Variants in MYT1L observed in about 807,000 individuals in gnomAD.
MYT1L encodes the protein myelin transcription factor 1 like.
Under a neutral mutation model 126.7 loss-of-function variants are expected in MYT1L, and 12 were observed. The ratio of observed to expected loss-of-function variants is 0.09; its 90% CI spans 0.06 to 0.15. The LOEUF (loss-of-function observed/expected upper bound fraction) is 0.15. Ranked by LOEUF, MYT1L falls within the 10% of genes least tolerant of loss-of-function variation. The probability of loss-of-function intolerance (pLI) is 1.00; values close to 1 mark genes in which losing one functional copy is unlikely to be tolerated. For synonymous variants in MYT1L, 541 were observed against 604.2 expected (o/e 0.90, Z 1.53); for missense variants, 979 against 1,585.2 (o/e 0.62, Z 6.49).
chr2:1,883,696 G>C (rs1261827398), intron 18 of MYT1L, among the ~76,000 whole-genome samples: 1 of 152,108 alleles, frequency 6.6e-6, no homozygotes, highest in East Asian at 1.9e-4. Flanking sequence ...TCAAAGCATC[G>C]ACGCGCAAAA....
intron 18 of MYT1L, among the ~76,000 whole-genome samples, chr2:1,855,765 C>T (rs925788408): frequency 2.0e-5 from 3 of 151,998 alleles, no homozygotes; most frequent in Non-Finnish European, 4.4e-5. Flanking sequence ...GAAACCCACA[C>T]GAGCTGCCCC....
chr2:1,887,470 A>G lies in MYT1L; in HGVS notation c.2642+18T>C, dbSNP rs773777711. ...GAAGATTAAGAAGATTCATAATTTCACCTCACAGCATGCTTACGTTATTAA... is the reference window on the plus strand; with the variant it reads ...GAAGATTAAGAAGATTCATAATTTCGCCTCACAGCATGCTTACGTTATTAA... On this transcript the variant is annotated intron_variant, in intron 17 of 24. Transcript: ENST00000647738. The surrounding 1 kb of genome is among the most constrained non-coding windows in gnomAD (Gnocchi z 4.8). 10 of 1,613,726 alleles carry G rather than the reference A, an allele frequency of 6.2e-6. No homozygotes were observed. In the Admixed American group the frequency reaches 1.5e-4, roughly 24 times the overall value.
intron 2 of MYT1L, among the ~76,000 whole-genome samples, chr2:2,243,109 AG>A (rs1189616929): frequency 6.6e-6 from 1 of 152,222 alleles, no homozygotes; most frequent in Non-Finnish European, 1.5e-5. Flanking sequence ...GGTGGAGAGA[AG>A]TACCAAGGGA....
intron 3 of MYT1L, among the ~76,000 whole-genome samples, chr2:2,168,662 G>C (rs2148505315): frequency 6.6e-6 from 1 of 152,272 alleles, no homozygotes; most frequent in Non-Finnish European, 1.5e-5. Flanking sequence ...AAATGCTTCA[G>C]ATGACCCTGA....
At chr2:2,068,894 T>C (rs2150213475) in intron 3 of MYT1L, among the ~76,000 whole-genome samples, 1 of 147,292 alleles carries the variant, frequency 6.8e-6, no homozygotes, top group East Asian at 2.1e-4. Context: ...GTAAGTAGGA[T>C]AAGAACATTT....
intron 8 of MYT1L, among the ~76,000 whole-genome samples, chr2:1,945,358 T>A (rs1573844786): frequency 6.6e-6 from 1 of 151,966 alleles, no homozygotes; most frequent in Non-Finnish European, 1.5e-5. Context: ...CATGTTCAGG[T>A]GGGGACTGGG....
intron 8 of MYT1L, among the ~76,000 whole-genome samples, chr2:1,967,210 G>T (rs1446083629): frequency 6.6e-6 from 1 of 152,210 alleles, no homozygotes; most frequent in Non-Finnish European, 1.5e-5. Context: ...TCCTCTGGGA[G>T]AATCAGTGAA....
intron 1 of MYT1L, among the ~76,000 whole-genome samples, chr2:2,297,171 C>G (rs1024727854): frequency 2.0e-5 from 3 of 152,244 alleles, no homozygotes; most frequent in Non-Finnish European, 4.4e-5. Context: ...AGAATGCACA[C>G]AACCCTCACC....
chr2:1,897,365 C>G (rs1230302271), intron 14 of MYT1L, among the ~76,000 whole-genome samples: 1 of 152,210 alleles, frequency 6.6e-6, no homozygotes, highest in Middle Eastern at 3.2e-3. Flanking sequence ...TCTGTTCCCC[C>G]TCTTCCAGCA....
intron 23 of MYT1L, 133 bp from the exon 24 acceptor site, chr2:1,792,597 C>A (rs898872862): frequency 2.2e-5 from 21 of 970,460 alleles, no homozygotes; most frequent in Non-Finnish European, 2.9e-5. Flanking sequence ...GGGCCGGGCG[C>A]CGTGGCTCAC....
rs561866315 is a variant in MYT1L at position 1,888,714 on chromosome 2, G to A, written c.2520+527C>T. On this transcript the variant is annotated intron_variant, in intron 16 of 24. Coordinates refer to ENST00000647738, the MANE Select transcript of MYT1L (RefSeq NM_001303052.2). ...TCAAAAGTATGTTCTTGACATAGAT[G>A]TTTTAGTAATACTGTCATAAACAAA... Among the ~76,000 whole-genome samples the A allele has an allele frequency of 2.2e-3, 329 of 152,312 alleles. 1 individual carries two copies. Among genetic ancestry groups the A allele is most frequent in the South Asian group, 3.1e-3 (15 of 4,822 alleles).
At chr2:2,308,681 C>T (rs2095899672) in intron 1 of MYT1L, among the ~76,000 whole-genome samples, 1 of 151,828 alleles carries the variant, frequency 6.6e-6, no homozygotes, top group South Asian at 2.1e-4. Flanking sequence ...TATATCTTAC[C>T]TACTCTTTAG....
At chr2:2,172,499 A>T (rs2148542762) in intron 3 of MYT1L, among the ~76,000 whole-genome samples, 1 of 152,328 alleles carries the variant, frequency 6.6e-6, no homozygotes, top group South Asian at 2.1e-4. Flanking sequence ...GCAACTTTTA[A>T]CTGCCTCCCG....
intron 9 of MYT1L, among the ~76,000 whole-genome samples, chr2:1,925,582 G>T (rs976970919): frequency 6.6e-6 from 1 of 152,094 alleles, no homozygotes; most frequent in Non-Finnish European, 1.5e-5. Flanking sequence ...AAACAAAAAT[G>T]GACAAGCCTC....
rs536142107 is a variant in MYT1L at position 1,877,266 on chromosome 2, C to T, written c.2711+9273G>A. 6.6e-5 allele frequency among the ~76,000 whole-genome samples: 10 copies of T among 152,076 alleles called. 1 individual carries two copies. In the South Asian group the frequency reaches 1.5e-3, roughly 22 times the overall value. ...GGAAGCTGCAAAAACACATTTTCCC[C>T]GAAATATGATGCAGCGATTAAAAAT... On this transcript the variant is annotated intron_variant, in intron 18 of 24. Transcript: ENST00000647738.
chr2:1,900,306 T>A (rs2050162629), intron 14 of MYT1L, among the ~76,000 whole-genome samples: 1 of 151,966 alleles, frequency 6.6e-6, no homozygotes, highest in African/African-American at 2.4e-5. Context: ...AGGAGGCTTT[T>A]TTTTTTTCTT....
intron 18 of MYT1L, among the ~76,000 whole-genome samples, chr2:1,879,230 T>A (rs2047265889): frequency 6.6e-6 from 1 of 152,192 alleles, no homozygotes; most frequent in South Asian, 2.1e-4. Context: ...TCCTTGTCAA[T>A]CATTTCCCAA....
At chr2:1,974,152 T>C (rs1327156182) in intron 8 of MYT1L, among the ~76,000 whole-genome samples, 4 of 152,192 alleles carry the variant, frequency 2.6e-5, no homozygotes, top group Non-Finnish European at 5.9e-5. Flanking sequence ...TTCCTTGATA[T>C]TGGGGACCGA....
At chr2:2,025,900 C>T (rs1383375136) in intron 4 of MYT1L, among the ~76,000 whole-genome samples, 1 of 152,200 alleles carries the variant, frequency 6.6e-6, no homozygotes, top group Non-Finnish European at 1.5e-5. Context: ...GAAGCAAAAG[C>T]AAAATCTGAA....
Sources: gnomAD v4.1 joint callset for allele counts (sites outside exome capture counted in the v4.1 genomes callset) on GRCh38, gnomAD v4.1.1 for gene constraint, Gnocchi (gnomAD v3.1) non-coding constraint, MANE v1.5 for transcripts, NCBI Gene and HGNC (gene_info 2026-07-23, HGNC 2026-07-21) for gene names.